PCSK6: variants seen among roughly 807,000 people sequenced by gnomAD.
PCSK6 encodes paired basic amino acid cleaving enzyme 4.
PCSK6 carries 85 observed loss-of-function variants against 123.3 expected under a neutral mutation model. That is an observed-to-expected ratio of 0.69 (90% CI 0.58 to 0.83). The LOEUF (loss-of-function observed/expected upper bound fraction) is 0.83. PCSK6 is among the 40% of genes least tolerant of loss of function. The pLI is 0.00. For synonymous variants in PCSK6, 508 were observed against 516.0 expected (o/e 0.98, Z 0.21); for missense variants, 1,191 against 1,282.3 (o/e 0.93, Z 1.09).
Position 101,350,594 on chromosome 15 carries a change from G to A in PCSK6, c.1858+15602C>T, listed in dbSNP as rs530936378. 1.9e-4 allele frequency among the ~76,000 whole-genome samples: 29 copies of A among 152,310 alleles called. No homozygotes were observed. The South Asian group carries it at 4.1e-3, about 22-fold the overall frequency. On this transcript the variant is annotated intron_variant, in intron 13 of 21. Coordinates refer to ENST00000611716, the MANE Select transcript of PCSK6 (RefSeq NM_002570.5). ...TTTATTAAACAGCAGTTAAACCAAT[G>A]GCAATTAGACCGGGGGGCCTCTGAG...
intron 11 of PCSK6, among the ~76,000 whole-genome samples, chr15:101,380,202 T>C (rs1245646368): frequency 6.6e-6 from 1 of 152,174 alleles, no homozygotes; most frequent in African/African-American, 2.4e-5. Flanking sequence ...CTGTCTAGAC[T>C]CCGTGTGCTT....
At chr15:101,482,654 T>G (rs1400962678) in intron 1 of PCSK6, among the ~76,000 whole-genome samples, 4 of 152,138 alleles carry the variant, frequency 2.6e-5, no homozygotes, top group African/African-American at 9.7e-5. Context: ...GGCAGGAGTA[T>G]CAGGCGGTGT....
Position 101,393,349 on chromosome 15 carries a change from C to A in PCSK6, c.1072G>T (p.Asp358Tyr). ...GGREGDYCSC[D>Y]GYTNSIYTIS... ...GTGTAGATGCTGTTGGTGTAGCCATCGCACGAGCAGTAGTCCCCCTCTCTC... is the reference window on the plus strand; with the variant it reads ...GTGTAGATGCTGTTGGTGTAGCCATAGCACGAGCAGTAGTCCCCCTCTCTC... Residue 358 changes from aspartate to tyrosine, a missense_variant, in exon 8 of 22, where the codon GAT becomes TAT. This residue lies in a region of PCSK6 where 357 missense variants were observed against 484.5 expected (regional missense o/e 0.74). Transcript: ENST00000611716. The A allele has an allele frequency of 6.2e-7, 1 of 1,609,356 alleles. No homozygotes were observed.
chr15:101,467,021 T>C (rs2057478075), intron 1 of PCSK6, among the ~76,000 whole-genome samples: 1 of 152,142 alleles, frequency 6.6e-6, no homozygotes, highest in Admixed American at 6.5e-5. Context: ...CTTAACAGAA[T>C]TGTTATTAAA....
At chr15:101,453,944 C>T (rs1221361438) in intron 1 of PCSK6, among the ~76,000 whole-genome samples, 1 of 152,202 alleles carries the variant, frequency 6.6e-6, no homozygotes, top group African/African-American at 2.4e-5. Flanking sequence ...CCTGGGCACG[C>T]TGCTTACATC....
At chr15:101,307,479 AG>A in intron 20 of PCSK6, 154 bp from the exon 21 acceptor site, 1 of 610,146 alleles carries the variant, frequency 1.6e-6, no homozygotes, top group Non-Finnish European at 3.0e-6. Context: ...TCCCTGACAC[AG>A]GGGCTGAGTG....
At position 101,417,864 on chromosome 15, in the gene PCSK6, C is replaced by T. The variant is rs116532916; in HGVS notation, c.823+10028G>A. On this transcript the variant is annotated intron_variant, in intron 6 of 21. Coordinates refer to ENST00000611716, the MANE Select transcript of PCSK6 (RefSeq NM_002570.5). ...CTGTTTTTTTTTATTTTTACGTACA[C>T]TATTTTTTATAATTTTAACTTTTAC... Among the ~76,000 whole-genome samples the T allele has an allele frequency of 5.2e-3, 769 of 147,636 alleles. 8 individuals are homozygous for T. Among genetic ancestry groups the T allele is most frequent in the African/African-American group, 0.018 (718 of 39,830 alleles).
intron 6 of PCSK6, among the ~76,000 whole-genome samples, chr15:101,400,407 C>G (rs1159176407): frequency 1.3e-5 from 2 of 152,214 alleles, no homozygotes; most frequent in Non-Finnish European, 2.9e-5. Context: ...CCCACCTTAC[C>G]CATACTAGTC....
intron 11 of PCSK6, among the ~76,000 whole-genome samples, chr15:101,375,684 A>C (rs1409872177): frequency 6.6e-6 from 1 of 152,190 alleles, no homozygotes; most frequent in East Asian, 1.9e-4. Flanking sequence ...GCACACTCCC[A>C]GCTGAGGTCA....
At chr15:101,332,267 C>T (rs1240361700) in intron 13 of PCSK6, among the ~76,000 whole-genome samples, 2 of 152,220 alleles carry the variant, frequency 1.3e-5, no homozygotes, top group Non-Finnish European at 2.9e-5. Flanking sequence ...ATCGAGCTGC[C>T]CTCCGCTTCC....
chr15:101,447,853 G>A (rs1387518545), intron 1 of PCSK6, among the ~76,000 whole-genome samples: 1 of 152,182 alleles, frequency 6.6e-6, no homozygotes, highest in Non-Finnish European at 1.5e-5. Context: ...TGAGCAGCCC[G>A]CCTTTAGAAT....
At chr15:101,322,696 G>C (rs766437379) in intron 17 of PCSK6, 89 bp from the exon 18 acceptor site, 3 of 818,896 alleles carry the variant, frequency 3.7e-6, no homozygotes, top group Non-Finnish European at 4.1e-6. Context: ...ATTTCAAAGC[G>C]GGGGTGCGGG....
chr15:101,347,629 G>A lies in PCSK6; in HGVS notation c.1859-15598C>T, dbSNP rs1248231931. On this transcript the variant is annotated intron_variant, in intron 13 of 21. Coordinates refer to ENST00000611716, the MANE Select transcript of PCSK6 (RefSeq NM_002570.5). ...CAAAGTGCTGAGCCTCTGGGGGCGG[G>A]AGCTGAGAGATCCAGCTCTGGACTT... 81 of 1,562,918 alleles carry A rather than the reference G, an allele frequency of 5.2e-5. No homozygotes were observed. In the Admixed American group the frequency reaches 1.2e-3, roughly 24 times the overall value.
chr15:101,417,610 A>C (rs1237844486), intron 6 of PCSK6, among the ~76,000 whole-genome samples: 1 of 152,212 alleles, frequency 6.6e-6, no homozygotes, highest in Non-Finnish European at 1.5e-5. Context: ...GCACCATATA[A>C]TTAAACTAGT....
intron 1 of PCSK6, among the ~76,000 whole-genome samples, chr15:101,468,666 G>C (rs1489580338): frequency 6.6e-6 from 1 of 152,224 alleles, no homozygotes; most frequent in Non-Finnish European, 1.5e-5. Context: ...GAAGGAGACA[G>C]CAGTTGGTAC....
chr15:101,432,410 C>T (rs1356673402), intron 2 of PCSK6, among the ~76,000 whole-genome samples: 1 of 150,162 alleles, frequency 6.7e-6, no homozygotes, highest in African/African-American at 2.5e-5. Flanking sequence ...ATCGCCTGAG[C>T]CCAGGAGTTT....
In PCSK6 at chr15:101,443,595, A is replaced by C. The variant is rs765331265; in HGVS notation, c.363T>G (p.Ser121Arg). 1 of 1,613,924 alleles carries C rather than the reference A, an allele frequency of 6.2e-7. No homozygotes were observed. Among genetic ancestry groups the C allele is most frequent in the African/African-American group, 1.3e-5 (1 of 75,054 alleles). The change falls in exon 2 of 22, where the codon AGT (serine) becomes AGG (arginine). Residue 121 changes from serine (S) to arginine (R), a missense_variant. By Grantham distance (110) the Ser-to-Arg change is moderately radical. Coordinates refer to ENST00000611716, the MANE Select transcript of PCSK6 (RefSeq NM_002570.5). ...TGAGGAAGGTGTGAGGGCCTCTGCT[A>C]CTCAAGGTTGATCTTTTAAAGGTTT... ...HSKTFKRSTL[S>R]SRGPHTFLRM...
intron 5 of PCSK6, among the ~76,000 whole-genome samples, chr15:101,428,307 G>A (rs541487956): frequency 5.3e-5 from 8 of 152,348 alleles, no homozygotes; most frequent in African/African-American, 1.9e-4. Context: ...CCCAGCACGT[G>A]TAATTGGCAC....
chr15:101,388,319 C>T (rs72770770), intron 9 of PCSK6, among the ~76,000 whole-genome samples: 18 of 152,194 alleles, frequency 1.2e-4, no homozygotes, highest in Admixed American at 1.0e-3. Flanking sequence ...TGCAAACACA[C>T]GTAATTACAA....
Sources: gnomAD v4.1 joint callset for allele counts (sites outside exome capture counted in the v4.1 genomes callset) on GRCh38, gnomAD v4.1.1 for gene constraint, gnomAD v4.1.1 regional missense constraint, MANE v1.5 for transcripts, NCBI Gene and HGNC (gene_info 2026-07-23, HGNC 2026-07-21) for gene names.